SNTG1: variants seen among roughly 807,000 people sequenced by gnomAD.
SNTG1 encodes the protein gamma-1-syntrophin.
Under a neutral mutation model 74.7 loss-of-function variants are expected in SNTG1, and 39 were observed. That is an observed-to-expected ratio of 0.52 (90% confidence interval 0.40 to 0.68). The LOEUF (loss-of-function observed/expected upper bound fraction) is 0.68. Ranked by LOEUF, SNTG1 falls within the 30% of genes least tolerant of loss-of-function variation. The pLI, the probability that SNTG1 is intolerant of heterozygous loss-of-function variation, is 0.00. For missense variants in SNTG1, 685 were observed against 609.5 expected, an observed-to-expected ratio of 1.12 and a Z score of -1.30; for synonymous variants, 254 against 217.1, an observed-to-expected ratio of 1.17 and a Z score of -1.49.
chr8:50,744,828 T>C (rs141224790), intron 17 of SNTG1, among the ~76,000 whole-genome samples: 12 of 152,082 alleles, frequency 7.9e-5, no homozygotes, highest in Non-Finnish European at 1.5e-4. Flanking sequence ...TGGTGTTTGT[T>C]AGTAAAACAA....
At chr8:50,484,841 A>G (rs545711778) in intron 8 of SNTG1, among the ~76,000 whole-genome samples, 1 of 151,738 alleles carries the variant, frequency 6.6e-6, no homozygotes, top group Admixed American at 6.6e-5. Flanking sequence ...CCTGGGCAAC[A>G]AGAGAGAGAC....
chr8:50,196,456 C>T (rs1052628535), intron 2 of SNTG1, among the ~76,000 whole-genome samples: 7 of 152,138 alleles, frequency 4.6e-5, no homozygotes, highest in African/African-American at 1.7e-4. Context: ...TTTTTCTCTT[C>T]TTTAAGCCGT....
At chr8:50,355,492 A>C (rs189390419) in intron 2 of SNTG1, among the ~76,000 whole-genome samples, 18 of 152,276 alleles carry the variant, frequency 1.2e-4, no homozygotes, top group Non-Finnish European at 2.4e-4. Flanking sequence ...GAACTTCTTT[A>C]TATATTCAAC....
At chr8:50,210,009 T>C (rs1342512532) in intron 2 of SNTG1, among the ~76,000 whole-genome samples, 2 of 152,080 alleles carry the variant, frequency 1.3e-5, no homozygotes, top group African/African-American at 4.8e-5. Context: ...CTAACTAGAA[T>C]AAACAGTGTA....
chr8:50,205,355 G>T (rs2084172602), intron 2 of SNTG1, among the ~76,000 whole-genome samples: 1 of 152,152 alleles, frequency 6.6e-6, no homozygotes, highest in Non-Finnish European at 1.5e-5. Flanking sequence ...TCTGTTGGCT[G>T]CACAAAATGT....
intron 1 of SNTG1, among the ~76,000 whole-genome samples, chr8:50,019,311 T>C (rs528630824): frequency 6.6e-6 from 1 of 152,204 alleles, no homozygotes; most frequent in Non-Finnish European, 1.5e-5. Flanking sequence ...TTTTACTTGG[T>C]AAGACGTTCA....
chr8:50,725,382 T>A (rs2095497534), intron 17 of SNTG1, among the ~76,000 whole-genome samples: 1 of 152,174 alleles, frequency 6.6e-6, no homozygotes, highest in African/African-American at 2.4e-5. Context: ...TCACCTTACT[T>A]TTTTAACTTA....
chr8:50,450,365 G>T (rs2093444651), intron 6 of SNTG1, among the ~76,000 whole-genome samples, 191 bp from the exon 7 acceptor site: 1 of 152,114 alleles, frequency 6.6e-6, no homozygotes, highest in Non-Finnish European at 1.5e-5. Flanking sequence ...AAATATGTCT[G>T]CATGTGCTTC....
chr8:50,363,522 G>T (rs1012959908), intron 2 of SNTG1, among the ~76,000 whole-genome samples: 2 of 152,130 alleles, frequency 1.3e-5, no homozygotes, highest in Non-Finnish European at 2.9e-5. Context: ...GTGTGTATGT[G>T]TGTGTGTGTG....
intron 1 of SNTG1, among the ~76,000 whole-genome samples, chr8:50,122,761 A>G (rs1352580185): frequency 7.1e-6 from 1 of 141,710 alleles, no homozygotes; most frequent in East Asian, 2.0e-4. Context: ...GGAGTAGCAC[A>G]GAGAAGAAAT....
At chr8:50,439,739 A>AGGCTGT (rs766651534) in intron 5 of SNTG1, among the ~76,000 whole-genome samples, 145 of 97,702 alleles carry the variant, frequency 1.5e-3, no homozygotes, top group Non-Finnish European at 2.4e-3. Context: ...TTTTTTGGCC[A>AGGCTGT]GGCTGTTTAT....
intron 2 of SNTG1, among the ~76,000 whole-genome samples, chr8:50,244,555 A>T (rs1012669461): frequency 1.3e-5 from 2 of 152,120 alleles, no homozygotes; most frequent in South Asian, 4.1e-4. Flanking sequence ...ATATATTTTT[A>T]AATTCTAGGT....
chr8:50,540,887 C>T (rs927651342), intron 11 of SNTG1, among the ~76,000 whole-genome samples: 2 of 151,766 alleles, frequency 1.3e-5, no homozygotes, highest in East Asian at 1.9e-4. Context: ...AAATATGCCC[C>T]TTCTGCATTA....
At chr8:50,675,506 C>CAAA (rs2095306000) in intron 15 of SNTG1, among the ~76,000 whole-genome samples, 1 of 151,278 alleles carries the variant, frequency 6.6e-6, no homozygotes, top group African/African-American at 2.4e-5. Context: ...TTTCCATCTC[C>CAAA]TTGGTAAATT....
Position 50,441,919 on chromosome 8 carries a change from A to G in SNTG1, c.219+3320A>G, listed in dbSNP as rs1426157181. Among the ~76,000 whole-genome samples, 3 of 152,346 alleles carry G rather than the reference A, an allele frequency of 2.0e-5. No homozygotes were observed. The South Asian group carries it at 6.2e-4, about 32-fold the overall frequency. ...TAAACTCCTATTGTTTTATAACAGGAATGTTTTACCATTAAAAGGTAAAGA... is the reference window on the plus strand; with the variant it reads ...TAAACTCCTATTGTTTTATAACAGGGATGTTTTACCATTAAAAGGTAAAGA... On this transcript the variant is annotated intron_variant, in intron 5 of 18. Transcript: ENST00000642720.
chr8:50,641,505 C>G (rs2095072809), intron 13 of SNTG1, among the ~76,000 whole-genome samples: 1 of 152,132 alleles, frequency 6.6e-6, no homozygotes, highest in African/African-American at 2.4e-5. Flanking sequence ...TTTTAATGAC[C>G]AACACTTTCT....
intron 2 of SNTG1, among the ~76,000 whole-genome samples, chr8:50,361,457 T>C (rs1046255947): frequency 6.6e-6 from 1 of 152,214 alleles, no homozygotes; most frequent in Non-Finnish European, 1.5e-5. Flanking sequence ...AGCATTCCTC[T>C]GTATTAATGA....
At chr8:50,778,264 T>C (rs1287433234) in intron 18 of SNTG1, among the ~76,000 whole-genome samples, 1 of 152,216 alleles carries the variant, frequency 6.6e-6, no homozygotes, top group African/African-American at 2.4e-5. Flanking sequence ...TCTAGATCCC[T>C]GAGGAATCGC....
intron 1 of SNTG1, among the ~76,000 whole-genome samples, chr8:49,941,442 T>A (rs1271815871): frequency 6.8e-6 from 1 of 148,138 alleles, no homozygotes; most frequent in Non-Finnish European, 1.5e-5. Context: ...AACAAATGTT[T>A]ATATATTATA....
Sources: allele counts gnomAD v4.1 joint callset (sites outside exome capture counted in the v4.1 genomes callset), GRCh38; gene constraint gnomAD v4.1.1; transcripts MANE v1.5; gene names NCBI Gene and HGNC (gene_info 2026-07-23, HGNC 2026-07-21).